The following FHIT variants were observed in gnomAD, a reference collection of about 807,000 sequenced individuals.
The protein encoded by FHIT is bis(5'-adenosyl)-triphosphatase.
Under a neutral mutation model 17.9 loss-of-function variants are expected in FHIT, and 19 were observed. The observed-to-expected ratio is 1.06, with a 90% CI of 0.74 to 1.56. FHIT has a LOEUF of 1.56. Among genes scored for constraint, FHIT ranks in the 40% most tolerant of loss-of-function variants. The probability of loss-of-function intolerance (pLI) is 0.00; values close to 1 mark genes in which losing one functional copy is unlikely to be tolerated. For missense variants in FHIT, 248 were observed against 189.2 expected (o/e 1.31, Z -1.82); for synonymous variants, 81 against 69.7 (o/e 1.16, Z -0.81).
At chr3:61,156,261 A>G (rs2037530731) in intron 2 of FHIT, among the ~76,000 whole-genome samples, 1 of 152,172 alleles carries the variant, frequency 6.6e-6, no homozygotes, top group Admixed American at 6.5e-5. Flanking sequence ...GAGTATTCCT[A>G]GCAAATCATT....
chr3:60,620,586 A>G (rs1203403296), intron 4 of FHIT, among the ~76,000 whole-genome samples: 1 of 138,564 alleles, frequency 7.2e-6, no homozygotes, highest in African/African-American at 2.8e-5. Context: ...GATACATTGG[A>G]AAAAAAAAAA....
At chr3:60,461,372 A>G (rs932460075) in intron 5 of FHIT, among the ~76,000 whole-genome samples, 1 of 152,182 alleles carries the variant, frequency 6.6e-6, no homozygotes, top group Non-Finnish European at 1.5e-5. Context: ...TTTTATAGAA[A>G]GAGACTCTCC....
At chr3:60,189,073 C>T (rs999194824) in intron 5 of FHIT, among the ~76,000 whole-genome samples, 4 of 152,056 alleles carry the variant, frequency 2.6e-5, no homozygotes, top group Non-Finnish European at 5.9e-5. Flanking sequence ...TGAAAGCAAG[C>T]ATGAGACAGC....
intron 3 of FHIT, among the ~76,000 whole-genome samples, chr3:61,016,766 A>G (rs1176616725): frequency 6.6e-6 from 1 of 152,236 alleles, no homozygotes. Context: ...TTATGTGTGA[A>G]TTACTTATGT....
At chr3:60,084,682 T>C (rs746562342) in intron 5 of FHIT, among the ~76,000 whole-genome samples, 6 of 152,162 alleles carry the variant, frequency 3.9e-5, no homozygotes, top group African/African-American at 1.4e-4. Flanking sequence ...CTGAGGACTT[T>C]AGACTCAGCA....
At chr3:60,369,565 T>C (rs1346512069) in intron 5 of FHIT, among the ~76,000 whole-genome samples, 3 of 152,222 alleles carry the variant, frequency 2.0e-5, no homozygotes, top group African/African-American at 4.8e-5. Context: ...AGTTAAATTA[T>C]TGGCAGATTC....
chr3:60,647,209 A>T (rs1349941729), intron 4 of FHIT, among the ~76,000 whole-genome samples: 1 of 152,202 alleles, frequency 6.6e-6, no homozygotes, highest in East Asian at 1.9e-4. Flanking sequence ...GAGGCAGAAA[A>T]TATTTCTTAC....
intron 5 of FHIT, among the ~76,000 whole-genome samples, chr3:60,518,039 AT>A (rs2035224257): frequency 6.6e-6 from 1 of 152,246 alleles, no homozygotes; most frequent in African/African-American, 2.4e-5. Flanking sequence ...CAAAATAAAA[AT>A]TAGAAGAAAG....
chr3:59,821,947 C>T (rs1700808316), intron 8 of FHIT, among the ~76,000 whole-genome samples: 1 of 152,022 alleles, frequency 6.6e-6, no homozygotes, highest in Non-Finnish European at 1.5e-5. Context: ...TATCCCTCAC[C>T]CCCACCAATG....
intron 3 of FHIT, among the ~76,000 whole-genome samples, chr3:60,887,407 G>C (rs1186815732): frequency 6.6e-6 from 1 of 152,178 alleles, no homozygotes; most frequent in East Asian, 1.9e-4. Context: ...CACTTTGGGA[G>C]GCCAAGGTGG....
intron 5 of FHIT, among the ~76,000 whole-genome samples, chr3:60,351,065 C>A (rs750536881): frequency 2.0e-5 from 3 of 150,772 alleles, no homozygotes. Flanking sequence ...TATATTGCAG[C>A]CTGGTAGGAC....
At chr3:60,707,421 T>C (rs1438861402) in intron 4 of FHIT, among the ~76,000 whole-genome samples, 1 of 152,198 alleles carries the variant, frequency 6.6e-6, no homozygotes, top group African/African-American at 2.4e-5. Context: ...TAACAGAGTA[T>C]TTATTGAATC....
intron 7 of FHIT, among the ~76,000 whole-genome samples, chr3:59,967,936 A>T (rs1708004512): frequency 6.6e-6 from 1 of 152,114 alleles, no homozygotes. Flanking sequence ...AGGAATTAAG[A>T]AGAATCAGGA....
chr3:61,200,078 C>T (rs56137334), intron 2 of FHIT, among the ~76,000 whole-genome samples: 2,438 of 152,258 alleles, frequency 0.016, 30 homozygotes, highest in Non-Finnish European at 0.025. Context: ...CTTGGAAGTT[C>T]ATTTCCTGTA....
intron 8 of FHIT, among the ~76,000 whole-genome samples, chr3:59,797,837 G>A (rs1575511746): frequency 6.6e-6 from 1 of 152,124 alleles, no homozygotes; most frequent in African/African-American, 2.4e-5. Flanking sequence ...GTCTTAAATA[G>A]CTTAAATAGA....
chr3:59,868,064 A>C (rs892792484), intron 8 of FHIT, among the ~76,000 whole-genome samples: 11 of 151,638 alleles, frequency 7.3e-5, no homozygotes, highest in Admixed American at 6.6e-4. Flanking sequence ...AAAAAAAAAA[A>C]AACCTTTCAT....
chr3:59,873,988 G>C (rs1039605580), intron 8 of FHIT, among the ~76,000 whole-genome samples: 1 of 151,788 alleles, frequency 6.6e-6, no homozygotes, highest in Non-Finnish European at 1.5e-5. Flanking sequence ...CTGGTGAACC[G>C]GTCTCCTCTT....
intron 4 of FHIT, among the ~76,000 whole-genome samples, chr3:60,727,838 C>T (rs2041948340): frequency 6.6e-6 from 1 of 152,098 alleles, no homozygotes; most frequent in South Asian, 2.1e-4. Context: ...CCCATCTCTA[C>T]TAAAAAATAC....
intron 4 of FHIT, among the ~76,000 whole-genome samples, chr3:60,656,693 A>T (rs1049478682): frequency 1.3e-5 from 2 of 152,198 alleles, no homozygotes; most frequent in African/African-American, 4.8e-5. Context: ...ATGCTTGTAG[A>T]TCCCTTTGAT....
Sources: gnomAD v4.1 joint callset for allele counts (sites outside exome capture counted in the v4.1 genomes callset) on GRCh38, gnomAD v4.1.1 for gene constraint, MANE v1.5 for transcripts, NCBI Gene and HGNC (gene_info 2026-07-23, HGNC 2026-07-21) for gene names.